PTPRD: variants seen among roughly 807,000 people sequenced by gnomAD.
PTPRD encodes protein tyrosine phosphatase receptor type D, also known as receptor-type tyrosine-protein phosphatase delta.
A neutral mutation model predicts 214.5 loss-of-function variants in PTPRD; 34 were observed. That is an observed-to-expected ratio of 0.16 (90% CI 0.12 to 0.21). The LOEUF is 0.21. Ranked by LOEUF, PTPRD falls within the 10% of genes least tolerant of loss-of-function variation. The pLI, the probability that PTPRD is intolerant of heterozygous loss-of-function variation, is 1.00. For synonymous variants in PTPRD, 1,128 were observed against 845.7 expected (o/e 1.33, Z -5.79); for missense variants, 2,545 against 2,398.7 (o/e 1.06, Z -1.27).
chr9:9,455,194 AC>A (rs1312290366), intron 8 of PTPRD, among the ~76,000 whole-genome samples: 1 of 151,486 alleles, frequency 6.6e-6, no homozygotes, highest in Non-Finnish European at 1.5e-5. Flanking sequence ...ATTCTAAGTA[AC>A]CCTCTTTTTT....
intron 11 of PTPRD, among the ~76,000 whole-genome samples, chr9:8,767,475 A>G (rs1205169028): frequency 1.3e-5 from 2 of 152,082 alleles, no homozygotes; most frequent in Non-Finnish European, 2.9e-5. Flanking sequence ...GATCATTTAT[A>G]TAGGAACTCA....
chr9:10,578,763 C>T (rs1484157925), intron 2 of PTPRD, among the ~76,000 whole-genome samples: 2 of 152,000 alleles, frequency 1.3e-5, no homozygotes, highest in African/African-American at 4.8e-5. Flanking sequence ...TTTGGGGGTA[C>T]ATGTGCAGAT....
At chr9:8,903,067 C>T (rs553998833) in intron 11 of PTPRD, among the ~76,000 whole-genome samples, 1 of 151,970 alleles carries the variant, frequency 6.6e-6, no homozygotes, top group Non-Finnish European at 1.5e-5. Context: ...AAAATCTCAC[C>T]ACGTTTAGGA....
intron 2 of PTPRD, among the ~76,000 whole-genome samples, chr9:10,362,025 G>C (rs796474518): frequency 6.6e-6 from 1 of 152,294 alleles, no homozygotes; most frequent in African/African-American, 2.4e-5. Flanking sequence ...TTCAGTCCAG[G>C]ACAGAATCTG....
At chr9:8,984,763 T>C (rs2099330591) in intron 11 of PTPRD, among the ~76,000 whole-genome samples, 1 of 152,140 alleles carries the variant, frequency 6.6e-6, no homozygotes, top group South Asian at 2.1e-4. Context: ...ATGGTGCCAC[T>C]TGGGAAATTT....
chr9:9,006,669 A>G lies in PTPRD; in HGVS notation c.-104+12028T>C, dbSNP rs535310081. Reference sequence around the variant, plus strand: ...TGCTGGTCTAACCATAATTTTAGGGAGTATTACTGATATCATAAATCAGTT... The same window carrying G: ...TGCTGGTCTAACCATAATTTTAGGGGGTATTACTGATATCATAAATCAGTT... On this transcript the variant is annotated intron_variant, in intron 11 of 45. Transcript: ENST00000381196. Among the ~76,000 whole-genome samples, 15 of 152,136 alleles carry G rather than the reference A, an allele frequency of 9.9e-5. No individual in the cohort carries two copies. The South Asian group carries it at 1.7e-3, about 17-fold the overall frequency.
intron 9 of PTPRD, among the ~76,000 whole-genome samples, chr9:9,192,687 G>A (rs1044234916): frequency 6.6e-6 from 1 of 152,004 alleles, no homozygotes; most frequent in African/African-American, 2.4e-5. Context: ...AGACTCTTCA[G>A]AACCAATAAT....
chr9:10,158,408 TA>T (rs1303041950), intron 3 of PTPRD, among the ~76,000 whole-genome samples: 1 of 152,198 alleles, frequency 6.6e-6, no homozygotes, highest in East Asian at 1.9e-4. Context: ...ATTTTAGTGA[TA>T]ACCCCCATTT....
intron 7 of PTPRD, among the ~76,000 whole-genome samples, chr9:9,614,107 C>T (rs1252497015): frequency 4.0e-5 from 6 of 151,244 alleles, no homozygotes; most frequent in Admixed American, 6.6e-5. Context: ...CATGTATATA[C>T]GTATGTGTGT....
At chr9:10,174,363 C>T (rs1375116985) in intron 3 of PTPRD, among the ~76,000 whole-genome samples, 1 of 152,114 alleles carries the variant, frequency 6.6e-6, no homozygotes, top group African/African-American at 2.4e-5. Flanking sequence ...CTTGCTTCCT[C>T]TCTCACCAAG....
At chr9:10,466,739 T>C (rs1323708349) in intron 2 of PTPRD, among the ~76,000 whole-genome samples, 1 of 151,654 alleles carries the variant, frequency 6.6e-6, no homozygotes, top group African/African-American at 2.4e-5. Context: ...TCTGAAAACT[T>C]CACATAAAGT....
chr9:9,606,176 G>A (rs1281987631), intron 7 of PTPRD, among the ~76,000 whole-genome samples: 1 of 151,986 alleles, frequency 6.6e-6, no homozygotes, highest in Non-Finnish European at 1.5e-5. Flanking sequence ...GAAAATGTAG[G>A]TGTCATTACA....
At chr9:8,628,320 T>C (rs79635977) in intron 14 of PTPRD, among the ~76,000 whole-genome samples, 13,510 of 151,908 alleles carry the variant, frequency 0.089, 711 homozygotes, top group Middle Eastern at 0.18. Context: ...CCCTGAAAGA[T>C]TGTAAAAGTT....
At chr9:8,358,548 C>T (rs2077538354) in intron 39 of PTPRD, among the ~76,000 whole-genome samples, 1 of 152,136 alleles carries the variant, frequency 6.6e-6, no homozygotes, top group Non-Finnish European at 1.5e-5. Context: ...TCTGTTTTCT[C>T]ACCTGTAAAA....
In PTPRD at chr9:8,920,235, G is replaced by C. The variant is rs561316067; in HGVS notation, c.-104+98462C>G. On this transcript the variant is annotated intron_variant, in intron 11 of 45. Coordinates refer to ENST00000381196, the MANE Select transcript of PTPRD (RefSeq NM_002839.4). The stretch of plus-strand genomic sequence containing the variant: ...AAACACCTGTAGTCCTAGCTACTTG[G>C]GGGGCTGAGGCAGGAGAATTGCTTG... Among the ~76,000 whole-genome samples the C allele has an allele frequency of 5.8e-4, 88 of 152,050 alleles. 2 individuals are homozygous for C. The highest frequency in any genetic ancestry group is 1.5e-3 in the African/African-American group (61 of 41,460).
At chr9:8,666,572 C>T (rs2097174877) in intron 12 of PTPRD, among the ~76,000 whole-genome samples, 1 of 152,194 alleles carries the variant, frequency 6.6e-6, no homozygotes, top group Non-Finnish European at 1.5e-5. Flanking sequence ...CAGAAACTAC[C>T]TTTTTCTCAA....
At chr9:10,498,478 C>T (rs1309121286) in intron 2 of PTPRD, among the ~76,000 whole-genome samples, 1 of 150,734 alleles carries the variant, frequency 6.6e-6, no homozygotes, top group Non-Finnish European at 1.5e-5. Flanking sequence ...GGAAGGCTTC[C>T]TTGCACCTGG....
chr9:10,441,628 C>A (rs1403282222), intron 2 of PTPRD, among the ~76,000 whole-genome samples: 1 of 151,450 alleles, frequency 6.6e-6, no homozygotes, highest in African/African-American at 2.4e-5. Flanking sequence ...CTATACTCAT[C>A]TGTTCATGAG....
intron 9 of PTPRD, among the ~76,000 whole-genome samples, chr9:9,304,526 T>C (rs1327975569): frequency 6.6e-6 from 1 of 152,002 alleles, no homozygotes; most frequent in African/African-American, 2.4e-5. Context: ...ACTTGGAGCA[T>C]TTTAGATGCT....
Sources: allele counts gnomAD v4.1 joint callset (sites outside exome capture counted in the v4.1 genomes callset), GRCh38; gene constraint gnomAD v4.1.1; transcripts MANE v1.5; gene names NCBI Gene and HGNC (gene_info 2026-07-23, HGNC 2026-07-21).